Variants in LOXHD1 observed in about 807,000 individuals in gnomAD.
LOXHD1 encodes lipoxygenase homology PLAT domains 1.
In LOXHD1, 205 loss-of-function variants were observed where a neutral mutation model predicts 248.2. The ratio of observed to expected loss-of-function variants is 0.83; its 90% CI spans 0.74 to 0.93. The LOEUF is 0.93. Ranked by LOEUF, LOXHD1 falls within the 40% of genes least tolerant of loss-of-function variation. The pLI, the probability that LOXHD1 is intolerant of heterozygous loss-of-function variation, is 0.00. For missense variants in LOXHD1, 2,930 were observed against 2,971.6 expected (o/e 0.99, Z 0.33); for synonymous variants, 1,113 against 1,162.8 (o/e 0.96, Z 0.87).
At chr18:46,604,845 C>T (rs774123550) in intron 6 of LOXHD1, among the ~76,000 whole-genome samples, 3 of 152,132 alleles carry the variant, frequency 2.0e-5, no homozygotes, top group Non-Finnish European at 4.4e-5. Context: ...TCAAAATGTG[C>T]CCAGAAGATC....
intron 25 of LOXHD1, among the ~76,000 whole-genome samples, 166 bp from the exon 26 acceptor site, chr18:46,538,503 G>T (rs961368087): frequency 1.3e-5 from 2 of 152,206 alleles, no homozygotes; most frequent in African/African-American, 4.8e-5. Context: ...AGGTTGCCTA[G>T]CAACTGCAGG....
At chr18:46,494,849 CTTT>C (rs58016824) in intron 37 of LOXHD1, among the ~76,000 whole-genome samples, 2,559 of 96,256 alleles carry the variant, frequency 0.027, 13 homozygotes, top group Middle Eastern at 0.082. Flanking sequence ...TTCTCTCTCT[CTTT>C]TTTTTTTTTT....
intron 37 of LOXHD1, among the ~76,000 whole-genome samples, chr18:46,498,970 C>A (rs931890691): frequency 6.6e-6 from 1 of 152,092 alleles, no homozygotes; most frequent in African/African-American, 2.4e-5. Flanking sequence ...CTGTGGAAGT[C>A]TAGAAAAGGA....
In LOXHD1 at chr18:46,557,489, T is replaced by C. The variant is rs2037391234; in HGVS notation, c.3217A>G (p.Thr1073Ala). ...DKSNKFEQGQTDTFTIYAIDL... is the reference protein window; with the variant it reads ...DKSNKFEQGQADTFTIYAIDL... ...ATGGCATAGATGGTGAAGGTGTCTGTCTGGGAAGGGCCAGGGAACACTCAG... is the reference window on the plus strand; with the variant it reads ...ATGGCATAGATGGTGAAGGTGTCTGCCTGGGAAGGGCCAGGGAACACTCAG... The change falls in exon 21 of 41, where the codon ACA (threonine) becomes GCA (alanine). Residue 1073 changes from threonine (T) to alanine (A), a missense_variant and splice_region_variant. Thr to Ala is a moderately conservative substitution (Grantham distance 58). Transcript: ENST00000642948. 1.9e-6 allele frequency: 3 copies of C among 1,551,868 alleles called. No individual in the cohort carries two copies. The highest frequency in any genetic ancestry group is 2.6e-6 in the Non-Finnish European group (3 of 1,147,046).
intron 25 of LOXHD1, 27 bp downstream of exon 25, chr18:46,541,749 G>T: frequency 1.9e-6 from 3 of 1,551,342 alleles, no homozygotes; most frequent in Non-Finnish European, 1.7e-6. Flanking sequence ...CCAGAGAAGG[G>T]CTGGCCTTGC....
chr18:46,585,378 C>T (rs571449), intron 12 of LOXHD1, among the ~76,000 whole-genome samples: 88,719 of 151,842 alleles, frequency 0.58, 26,452 homozygotes, highest in African/African-American at 0.69. Flanking sequence ...CCAAAATCGA[C>T]TATATTTCTA....
Position 46,545,380 on chromosome 18 carries a change from T to C in LOXHD1, c.3556A>G (p.Lys1186Glu). 3 of 1,552,132 alleles carry C rather than the reference T, an allele frequency of 1.9e-6. No homozygotes were observed. The highest frequency in any genetic ancestry group is 2.6e-6 in the Non-Finnish European group (3 of 1,147,020). ...TFSVTIKTGV[K>E]KNAGTDANVF... ...TTAGCATCTGTGCCCGCATTCTTCT[T>C]AACCCCAGTCTTTATGGTCACTGAG... The change falls in exon 23 of 41, where the codon AAG (lysine) becomes GAG (glutamate). Residue 1186 changes from lysine (K) to glutamate (E), a missense_variant. Physicochemically the swap from Lys to Glu is moderately conservative, Grantham distance 56. Coordinates refer to ENST00000642948, the MANE Select transcript of LOXHD1 (RefSeq NM_001384474.1).
intron 27 of LOXHD1, chr18:46,533,644 C>G (rs1234774444): frequency 6.0e-6 from 2 of 332,252 alleles, no homozygotes; most frequent in Non-Finnish European, 1.1e-5. Flanking sequence ...CTCCCTCTGG[C>G]TGGGCATGGT....
chr18:46,544,157 A>T (rs1436222592), intron 23 of LOXHD1, among the ~76,000 whole-genome samples: 1 of 152,218 alleles, frequency 6.6e-6, no homozygotes, highest in East Asian at 1.9e-4. Context: ...GACTCACTAC[A>T]GACTGGTTTA....
chr18:46,519,221 C>T (rs185037721), intron 33 of LOXHD1: 134 of 431,900 alleles, frequency 3.1e-4, no homozygotes, highest in Non-Finnish European at 4.0e-4. Context: ...CTCAGACACA[C>T]GGTTGGGGAA....
intron 6 of LOXHD1, among the ~76,000 whole-genome samples, chr18:46,608,833 G>A (rs1354751435): frequency 6.6e-6 from 1 of 152,198 alleles, no homozygotes; most frequent in East Asian, 1.9e-4. Context: ...CTAGGGAGGT[G>A]CCCTCAAGGA....
intron 34 of LOXHD1, among the ~76,000 whole-genome samples, chr18:46,517,580 G>C (rs1448539670): frequency 1.3e-5 from 2 of 152,172 alleles, no homozygotes; most frequent in African/African-American, 4.8e-5. Context: ...AGGTTAAGCT[G>C]TGTAAGTACA....
intron 8 of LOXHD1, among the ~76,000 whole-genome samples, chr18:46,597,902 C>T (rs942589702): frequency 2.0e-5 from 3 of 150,982 alleles, no homozygotes; most frequent in African/African-American, 4.9e-5. Flanking sequence ...GACAGGCGCC[C>T]GCCGCCACAC....
At chr18:46,586,129 T>C (rs1310025558) in intron 12 of LOXHD1, among the ~76,000 whole-genome samples, 1 of 152,184 alleles carries the variant, frequency 6.6e-6, no homozygotes, top group East Asian at 1.9e-4. Flanking sequence ...ATTATGTTAA[T>C]TGAAATAAAC....
downstream of LOXHD1, chr18:46,477,127 C>A: frequency 2.8e-6 from 2 of 716,692 alleles, no homozygotes; most frequent in Admixed American, 2.0e-5. Context: ...TTAAAATACA[C>A]CATCTTGATG....
rs1308448447 is a variant in LOXHD1 at position 46,601,109 on chromosome 18, A to C, written c.1134+108T>G. 17 of 1,365,004 alleles carry C rather than the reference A, an allele frequency of 1.2e-5. No homozygotes were observed. The East Asian group carries it at 4.0e-4, about 32-fold the overall frequency. The allele number at this position is 1,365,004 out of a possible 1,614,324, so 84.6% of individuals were successfully genotyped here. Reference sequence around the variant, plus strand: ...GCCCAATGAAAGAGATTGCCCATGCACTCTGTAACTAGTTCAGAGAAGTAG... The same window carrying C: ...GCCCAATGAAAGAGATTGCCCATGCCCTCTGTAACTAGTTCAGAGAAGTAG... On this transcript the variant is annotated intron_variant, in intron 8 of 40. Transcript: ENST00000642948.
At chr18:46,634,107 A>G (rs2038861802) in intron 4 of LOXHD1, among the ~76,000 whole-genome samples, 1 of 152,178 alleles carries the variant, frequency 6.6e-6, no homozygotes, top group African/African-American at 2.4e-5. Context: ...GAAAACAGGG[A>G]CTTGAACAAA....
At chr18:46,606,887 C>T (rs2144300661) in intron 6 of LOXHD1, among the ~76,000 whole-genome samples, 1 of 152,098 alleles carries the variant, frequency 6.6e-6, no homozygotes, top group South Asian at 2.1e-4. Flanking sequence ...ACACTGTAGC[C>T]AGGCGTGGTG....
chr18:46,566,134 T>G, intron 17 of LOXHD1, 123 bp downstream of exon 17: 7 of 1,108,508 alleles, frequency 6.3e-6, no homozygotes, highest in African/African-American at 1.6e-5. Flanking sequence ...ATTTTCTCCC[T>G]GCAGGACCCT....
Sources: allele counts gnomAD v4.1 joint callset (sites outside exome capture counted in the v4.1 genomes callset), GRCh38; gene constraint gnomAD v4.1.1; transcripts MANE v1.5; gene names NCBI Gene and HGNC (gene_info 2026-07-23, HGNC 2026-07-21).